RHOA: variants seen among roughly 807,000 people sequenced by gnomAD.
RHOA encodes ras homolog family member A.
RHOA carries 3 observed loss-of-function variants against 17.5 expected under a neutral mutation model. The ratio of observed to expected loss-of-function variants is 0.17; its 90% CI spans 0.08 to 0.44. RHOA has a LOEUF of 0.44. Among genes scored for constraint, RHOA ranks in the 20% least tolerant of loss-of-function variants. The probability of loss-of-function intolerance (pLI) is 0.99; values close to 1 mark genes in which losing one functional copy is unlikely to be tolerated. For synonymous variants in RHOA, 98 were observed against 88.4 expected (o/e 1.11, Z -0.61); for missense variants, 56 against 242.3 (o/e 0.23, Z 5.10).
At chr3:49,408,893 C>T (rs1218392201) in intron 1 of RHOA, among the ~76,000 whole-genome samples, 3 of 151,802 alleles carry the variant, frequency 2.0e-5, no homozygotes, top group Non-Finnish European at 4.4e-5. Context: ...CTCGGGTTCA[C>T]GCCATTCCCC....
intron 1 of RHOA, among the ~76,000 whole-genome samples, chr3:49,410,859 CAG>C (rs1405462942): frequency 6.6e-6 from 1 of 152,182 alleles, no homozygotes; most frequent in Non-Finnish European, 1.5e-5. Flanking sequence ...AAGTCAACAA[CAG>C]AGGTAAAAAT....
intron 2 of RHOA, among the ~76,000 whole-genome samples, chr3:49,370,335 TAA>T (rs1229440925): frequency 1.3e-5 from 2 of 152,312 alleles, no homozygotes; most frequent in African/African-American, 4.8e-5. Flanking sequence ...CTGTAGCTTA[TAA>T]AAGTGTTTAA....
chr3:49,392,750 T>G (rs574143942), intron 1 of RHOA, among the ~76,000 whole-genome samples: 2 of 152,176 alleles, frequency 1.3e-5, no homozygotes, highest in African/African-American at 4.8e-5. Flanking sequence ...AGTGCAGATA[T>G]ACAGCACGTC....
At chr3:49,407,314 A>G (rs1327686564) in intron 1 of RHOA, among the ~76,000 whole-genome samples, 1 of 129,332 alleles carries the variant, frequency 7.7e-6, no homozygotes, top group East Asian at 2.7e-4. Flanking sequence ...GCTCACAGCA[A>G]CCTCCGCCTC....
At chr3:49,375,204 G>A (rs1052860546) in intron 2 of RHOA, among the ~76,000 whole-genome samples, 6 of 151,700 alleles carry the variant, frequency 4.0e-5, no homozygotes, top group African/African-American at 1.2e-4. Flanking sequence ...AGGTTGCAGT[G>A]AGCCAAGACC....
In RHOA at chr3:49,375,672, C is replaced by T. The variant is rs987415239; in HGVS notation, c.-2-81G>A. On this transcript the variant is annotated intron_variant, in intron 1 of 4. Coordinates refer to ENST00000418115, the MANE Select transcript of RHOA (RefSeq NM_001664.4). ...ACAGGATGACACATGCTTTGGTAACCATGGGGCATAAACCTCTATTAGCAT... is the reference window on the plus strand; with the variant it reads ...ACAGGATGACACATGCTTTGGTAACTATGGGGCATAAACCTCTATTAGCAT... The T allele has an allele frequency of 2.1e-5, 30 of 1,458,284 alleles. 1 individual carries two copies. In the African/African-American group the frequency reaches 3.8e-4, roughly 18 times the overall value. 90.3% of individuals were successfully genotyped at this position (1,458,284 alleles called of 1,614,324 possible).
chr3:49,382,880 C>T (rs2048339453), intron 1 of RHOA, among the ~76,000 whole-genome samples: 2 of 151,426 alleles, frequency 1.3e-5, no homozygotes, highest in South Asian at 4.2e-4. Context: ...CATGGTGTAA[C>T]CCCATATCCA....
chr3:49,405,978 C>T (rs573472512), intron 1 of RHOA, among the ~76,000 whole-genome samples: 82 of 152,278 alleles, frequency 5.4e-4, no homozygotes, highest in Non-Finnish European at 9.8e-4. Context: ...AGCCACCATA[C>T]GCAGCCTGCC....
intron 4 of RHOA, among the ~76,000 whole-genome samples, chr3:49,361,976 T>C (rs542477404): frequency 6.6e-6 from 1 of 151,314 alleles, no homozygotes; most frequent in Non-Finnish European, 1.5e-5. Context: ...TCACTTGAGG[T>C]AAGGAGTTCA....
chr3:49,363,172 A>G (rs2047998645), intron 3 of RHOA, among the ~76,000 whole-genome samples: 1 of 152,150 alleles, frequency 6.6e-6, no homozygotes, highest in African/African-American at 2.4e-5. Context: ...TAATCCCAGC[A>G]CTTTGGGAGG....
At chr3:49,380,966 G>A (rs777392724) in intron 1 of RHOA, among the ~76,000 whole-genome samples, 1 of 150,832 alleles carries the variant, frequency 6.6e-6, no homozygotes, top group Non-Finnish European at 1.5e-5. Flanking sequence ...AGATATTATA[G>A]AATTTTATCC....
intron 1 of RHOA, among the ~76,000 whole-genome samples, chr3:49,391,371 GAC>G (rs1305754176): frequency 1.3e-4 from 19 of 148,872 alleles, no homozygotes; most frequent in Admixed American, 1.2e-3. Flanking sequence ...CAACTTGAGC[GAC>G]AGAGTGAGAA....
chr3:49,382,859 AGC>A (rs2048339036), intron 1 of RHOA, among the ~76,000 whole-genome samples: 2 of 151,970 alleles, frequency 1.3e-5, no homozygotes, highest in South Asian at 4.2e-4. Flanking sequence ...GTTCGAGACA[AGC>A]CTGACCAACA....
intron 1 of RHOA, among the ~76,000 whole-genome samples, chr3:49,378,240 C>CTTTTTTTTTT (rs71077802): frequency 1.6e-5 from 1 of 60,680 alleles, no homozygotes. Flanking sequence ...ATCCATCTAT[C>CTTTTTTTTTT]TTTTTTTTTT....
At chr3:49,379,901 C>T (rs1353439813) in intron 1 of RHOA, among the ~76,000 whole-genome samples, 1 of 152,226 alleles carries the variant, frequency 6.6e-6, no homozygotes, top group Non-Finnish European at 1.5e-5. Flanking sequence ...ACCACTCTCG[C>T]CCCCAGTGGG....
intron 1 of RHOA, among the ~76,000 whole-genome samples, chr3:49,385,641 G>C (rs1473214397): frequency 6.6e-6 from 1 of 151,820 alleles, no homozygotes; most frequent in African/African-American, 2.4e-5. Context: ...TGATGGTTTG[G>C]TGGCATATCT....
intron 1 of RHOA, among the ~76,000 whole-genome samples, chr3:49,377,280 G>A (rs1246234137): frequency 6.6e-6 from 1 of 150,914 alleles, no homozygotes; most frequent in Non-Finnish European, 1.5e-5. Flanking sequence ...AGGACGGACG[G>A]AAGCATGAGA....
At chr3:49,407,233 T>G (rs1029727938) in intron 1 of RHOA, among the ~76,000 whole-genome samples, 4 of 4,980 alleles carry the variant, frequency 8.0e-4, no homozygotes, top group East Asian at 0.013. Flanking sequence ...ATCCTTTCCG[T>G]TTTTTTTTTT....
At chr3:49,408,794 C>A (rs1008562772) in intron 1 of RHOA, among the ~76,000 whole-genome samples, 1 of 113,118 alleles carries the variant, frequency 8.8e-6, no homozygotes, top group Non-Finnish European at 1.9e-5. Context: ...TACTTAAGAT[C>A]CTTTTTTTTT....
Sources: allele counts gnomAD v4.1 joint callset (sites outside exome capture counted in the v4.1 genomes callset), GRCh38; gene constraint gnomAD v4.1.1; transcripts MANE v1.5; gene names NCBI Gene and HGNC (gene_info 2026-07-23, HGNC 2026-07-21).